Variants in HPD observed in about 807,000 individuals in gnomAD.
The protein encoded by HPD is 4-hydroxyphenylpyruvic acid oxidase.
In HPD, 35 loss-of-function variants were observed where a neutral mutation model predicts 56.9. The observed-to-expected ratio is 0.62, with a 90% CI of 0.47 to 0.82. The LOEUF (loss-of-function observed/expected upper bound fraction) is 0.82. Ranked by LOEUF, HPD falls within the 40% of genes least tolerant of loss-of-function variation. The probability of loss-of-function intolerance (pLI) is 0.00; values close to 1 mark genes in which losing one functional copy is unlikely to be tolerated. For synonymous variants in HPD, 186 were observed against 200.2 expected (o/e 0.93, Z 0.60); for missense variants, 442 against 506.8 (o/e 0.87, Z 1.23).
chr12:121,883,503 G>C, the HPD span, among the ~76,000 whole-genome samples: 2 of 151,724 alleles, frequency 1.3e-5, no homozygotes, highest in Admixed American at 1.3e-4. Context: ...CAGGATAGAG[G>C]TTTATTATAA....
Position 121,857,367 on chromosome 12 carries a change from A to G in HPD, c.159T>C (p.Gly53=), listed in dbSNP as rs1878041073. The stretch of plus-strand genomic sequence containing the variant: ...TTACATGGCTGACCACCTCCCGGGA[A>G]CCGGTCTCCAGGCCCCTGTAGGCTA... ...EPLAYRGLET[G]SREVVSHVIK... The change falls in exon 4 of 14, where the codon GGT becomes GGC. Residue 53 remains glycine (G), a synonymous_variant. Coordinates refer to ENST00000289004, the MANE Select transcript of HPD (RefSeq NM_002150.3). The G allele has an allele frequency of 6.2e-7, 1 of 1,613,980 alleles. No individual in the cohort carries two copies. The highest frequency in any genetic ancestry group is 1.3e-5 in the African/African-American group (1 of 74,932).
chr12:121,857,678 C>T, intron 3 of HPD, 79 bp downstream of exon 3: 1 of 1,262,918 alleles, frequency 7.9e-7, no homozygotes, highest in South Asian at 1.2e-5. Flanking sequence ...CAATCACAGA[C>T]CCTGCTGGAG....
At chr12:121,851,283 G>A (rs2137621727) in intron 7 of HPD, among the ~76,000 whole-genome samples, 1 of 152,062 alleles carries the variant, frequency 6.6e-6, no homozygotes, top group South Asian at 2.1e-4. Flanking sequence ...CAAAGTGCTG[G>A]GATTACAGGC....
At chr12:121,874,615 T>C in the HPD span, among the ~76,000 whole-genome samples, 2 of 151,806 alleles carry the variant, frequency 1.3e-5, no homozygotes, top group African/African-American at 4.8e-5. Flanking sequence ...CAAAACTCCA[T>C]CTCAAAACAA....
chr12:121,876,745 A>T, the HPD span, among the ~76,000 whole-genome samples: 1 of 152,098 alleles, frequency 6.6e-6, no homozygotes, highest in Admixed American at 6.6e-5. Flanking sequence ...TGCCTTCAAT[A>T]CATGGCTTAA....
At chr12:121,867,529 T>C (rs1444456446), upstream of HPD, among the ~76,000 whole-genome samples, 1 of 152,010 alleles carries the variant, frequency 6.6e-6, no homozygotes, top group Admixed American at 6.6e-5. Flanking sequence ...AATTGTTTTT[T>C]TTGAGACGAA....
At chr12:121,844,113 C>T (rs1877496377) in intron 11 of HPD, among the ~76,000 whole-genome samples, 1 of 152,032 alleles carries the variant, frequency 6.6e-6, no homozygotes, top group Non-Finnish European at 1.5e-5. Flanking sequence ...TGCAGTGGCA[C>T]GATCTTAGCT....
At chr12:121,841,752 C>T (rs1318586312) in intron 12 of HPD, among the ~76,000 whole-genome samples, 5 of 151,388 alleles carry the variant, frequency 3.3e-5, no homozygotes, top group East Asian at 4.0e-4. Context: ...GGCGCGATCT[C>T]GGCTCACTGC....
chr12:121,882,407 G>A, the HPD span, among the ~76,000 whole-genome samples: 3 of 152,128 alleles, frequency 2.0e-5, no homozygotes, highest in African/African-American at 7.2e-5. Flanking sequence ...CTTGAGAGAG[G>A]CAACTGAAGT....
At chr12:121,875,989 T>C in the HPD span, among the ~76,000 whole-genome samples, 28 of 152,036 alleles carry the variant, frequency 1.8e-4, no homozygotes, top group African/African-American at 5.3e-4. Flanking sequence ...AGAGACAGCA[T>C]TGGTGATACT....
rs765923504 is a variant in HPD at position 121,847,138 on chromosome 12, G to T, written c.673C>A (p.Arg225=). ...TQVHTEYSSL[R]SIVVANYEES... ...TCATAGTTGGCCACCACAATGGATCGCAGAGAGCTATATTCCGTGTGCACC... is the reference window on the plus strand; with the variant it reads ...TCATAGTTGGCCACCACAATGGATCTCAGAGAGCTATATTCCGTGTGCACC... The change falls in exon 10 of 14, where the codon CGA becomes AGA. Residue 225 remains arginine, a synonymous_variant. Transcript: ENST00000289004. 12 of 1,613,996 alleles carry T rather than the reference G, an allele frequency of 7.4e-6. No homozygotes were observed. The highest frequency in any genetic ancestry group is 1.1e-5 in the South Asian group (1 of 91,086).
the HPD span, among the ~76,000 whole-genome samples, chr12:121,880,855 C>T: frequency 1.3e-3 from 199 of 152,198 alleles, 5 homozygotes; most frequent in East Asian, 0.036. Flanking sequence ...TGTGCAGTGG[C>T]GTGACCTCAG....
At chr12:121,875,682 T>A in the HPD span, among the ~76,000 whole-genome samples, 4 of 152,104 alleles carry the variant, frequency 2.6e-5, no homozygotes, top group African/African-American at 9.7e-5. Context: ...CACTTCGGCG[T>A]CCCAAAGTGT....
At chr12:121,888,595 T>G in the HPD span, 3 of 484,440 alleles carry the variant, frequency 6.2e-6, no homozygotes, top group Non-Finnish European at 7.6e-6. Flanking sequence ...TCCCCTAGCG[T>G]TGGTGTGCAA....
chr12:121,879,965 T>C, the HPD span, among the ~76,000 whole-genome samples: 2 of 151,664 alleles, frequency 1.3e-5, no homozygotes, highest in Admixed American at 6.6e-5. Context: ...GCTTGGACAA[T>C]GGCCAGAACA....
chr12:121,845,057 C>T (rs939182169), intron 11 of HPD, among the ~76,000 whole-genome samples: 1 of 148,390 alleles, frequency 6.7e-6, no homozygotes, highest in African/African-American at 2.6e-5. Context: ...GCACTCCAGC[C>T]TAGAAGACAG....
At chr12:121,861,231 G>C (rs1331474484), upstream of HPD, among the ~76,000 whole-genome samples, 2 of 151,932 alleles carry the variant, frequency 1.3e-5, no homozygotes, top group African/African-American at 4.8e-5. Context: ...ATCTACTTGG[G>C]AGGCTGAGAC....
chr12:121,884,919 C>T, the HPD span, among the ~76,000 whole-genome samples: 5 of 152,158 alleles, frequency 3.3e-5, no homozygotes, highest in African/African-American at 1.2e-4. Flanking sequence ...GACGGAGTCT[C>T]ACTATATGGT....
intron 11 of HPD, among the ~76,000 whole-genome samples, chr12:121,845,992 T>C (rs1310309885): frequency 6.6e-6 from 1 of 152,158 alleles, no homozygotes; most frequent in African/African-American, 2.4e-5. Context: ...CTTGAAATCC[T>C]TGGCTAAATG....
Sources: gnomAD v4.1 joint callset for allele counts (sites outside exome capture counted in the v4.1 genomes callset) on GRCh38, gnomAD v4.1.1 for gene constraint, MANE v1.5 for transcripts, NCBI Gene and HGNC (gene_info 2026-07-23, HGNC 2026-07-21) for gene names.